The following GALNT17 variants were observed in gnomAD, a reference collection of about 807,000 sequenced individuals.
The protein encoded by GALNT17 is UDP-GalNAc:polypeptide N-acetylgalactosaminyltransferase-like 3.
GALNT17 carries 29 observed loss-of-function variants against 63.7 expected under a neutral mutation model. The observed-to-expected ratio is 0.46, with a 90% confidence interval of 0.34 to 0.62. GALNT17 has a LOEUF of 0.62. GALNT17 is among the 20% of genes least tolerant of loss of function. GALNT17 has a pLI of 0.01. For missense variants in GALNT17, 603 were observed against 799.6 expected (o/e 0.75, Z 2.97); for synonymous variants, 305 against 318.3 (o/e 0.96, Z 0.45).
At chr7:71,299,319 C>G (rs766865316) in intron 1 of GALNT17, among the ~76,000 whole-genome samples, 6 of 152,122 alleles carry the variant, frequency 3.9e-5, no homozygotes, top group Admixed American at 3.9e-4. Context: ...TCCTTGCAGA[C>G]GAGAGGATGG....
chr7:71,221,295 G>GT (rs1333734141), intron 1 of GALNT17, among the ~76,000 whole-genome samples: 1 of 151,128 alleles, frequency 6.6e-6, no homozygotes, highest in Non-Finnish European at 1.5e-5. Context: ...ATTTCATGGT[G>GT]TATGTGTACC....
In GALNT17 at chr7:71,428,046, G is replaced by A. The variant is rs1294514631; in HGVS notation, c.962+6941G>A. 2.6e-5 allele frequency among the ~76,000 whole-genome samples: 4 copies of A among 152,160 alleles called. No homozygotes were observed. The East Asian group carries it at 7.7e-4, about 29-fold the overall frequency. On this transcript the variant is annotated intron_variant, in intron 5 of 10. Transcript: ENST00000333538. ...AAAGGTTGGGGACTGCTGATCTAGAGCATCCCTTTTGGTTTTGTTTATGAT... is the reference window on the plus strand; with the variant it reads ...AAAGGTTGGGGACTGCTGATCTAGAACATCCCTTTTGGTTTTGTTTATGAT...
In GALNT17 at chr7:71,505,702, G is replaced by A. The variant is rs1244351317; in HGVS notation, c.963-65583G>A. On this transcript the variant is annotated intron_variant, in intron 5 of 10. Transcript: ENST00000333538. ...GAAGGCCATGTGCTTCTCCTGCCAT[G>A]TCCAGCTTCAGTGATTCTGCTGTTA... is the stretch of plus-strand genomic sequence containing the variant. Among the ~76,000 whole-genome samples the A allele has an allele frequency of 2.0e-5, 3 of 152,186 alleles. No homozygotes were observed. In the East Asian group the frequency reaches 5.8e-4, roughly 29 times the overall value.
At chr7:71,578,812 G>C (rs940614860) in intron 6 of GALNT17, among the ~76,000 whole-genome samples, 2 of 151,872 alleles carry the variant, frequency 1.3e-5, no homozygotes, top group African/African-American at 4.8e-5. Context: ...CCTGATCCCC[G>C]CCCTAGCCAC....
chr7:71,685,288 G>A (rs1791335063), intron 9 of GALNT17, among the ~76,000 whole-genome samples: 1 of 152,116 alleles, frequency 6.6e-6, no homozygotes, highest in Non-Finnish European at 1.5e-5. Flanking sequence ...AAGGGACAGA[G>A]TATGGAGATC....
chr7:71,175,610 GATGAGA>G (rs1443985478), intron 1 of GALNT17, among the ~76,000 whole-genome samples: 4 of 152,198 alleles, frequency 2.6e-5, no homozygotes, highest in Admixed American at 2.6e-4. Context: ...AAATTGTTGG[GATGAGA>G]GGCGGTGGTG....
chr7:71,298,736 GTGTA>G (rs1331886091), intron 1 of GALNT17, among the ~76,000 whole-genome samples: 1 of 116,942 alleles, frequency 8.6e-6, no homozygotes, highest in South Asian at 2.7e-4. Flanking sequence ...GTGTGTGTGT[GTGTA>G]TGTATGTGTG....
chr7:71,528,070 G>C (rs938533029), intron 5 of GALNT17, among the ~76,000 whole-genome samples: 5 of 152,172 alleles, frequency 3.3e-5, no homozygotes, highest in Non-Finnish European at 7.3e-5. Flanking sequence ...CCAGGACAGG[G>C]AGCTTGTACT....
At chr7:71,148,574 C>T (rs1351593783) in intron 1 of GALNT17, among the ~76,000 whole-genome samples, 1 of 152,068 alleles carries the variant, frequency 6.6e-6, no homozygotes, top group Non-Finnish European at 1.5e-5. Context: ...CCTCTCTACC[C>T]CTAATACATT....
intron 5 of GALNT17, among the ~76,000 whole-genome samples, chr7:71,552,894 C>T (rs976161999): frequency 6.6e-6 from 1 of 152,152 alleles, no homozygotes; most frequent in African/African-American, 2.4e-5. Flanking sequence ...CTCTCAGTCC[C>T]GCTTTATGGA....
Position 71,383,210 on chromosome 7 carries a change from T to C in GALNT17, c.423-5025T>C, listed in dbSNP as rs563417239. ...TTTAAAACTGGATAACATTCCATTT[T>C]ATATATACACAGCCATCCCTTGGTA... is the stretch of plus-strand genomic sequence containing the variant. On this transcript the variant is annotated intron_variant, in intron 2 of 10. Transcript: ENST00000333538. Among the ~76,000 whole-genome samples the C allele has an allele frequency of 9.2e-5, 14 of 152,338 alleles. 1 individual carries two copies. The South Asian group carries it at 2.9e-3, about 32-fold the overall frequency.
chr7:71,252,457 G>A (rs550212082), intron 1 of GALNT17, among the ~76,000 whole-genome samples: 17 of 152,226 alleles, frequency 1.1e-4, no homozygotes, highest in East Asian at 1.9e-4. Flanking sequence ...CATGAGAGGC[G>A]GAGGCTGCAG....
At chr7:71,404,384 A>G (rs1489938616) in intron 3 of GALNT17, among the ~76,000 whole-genome samples, 1 of 152,060 alleles carries the variant, frequency 6.6e-6, no homozygotes, top group East Asian at 1.9e-4. Context: ...TGATCTCACT[A>G]TGGAATCGCC....
intron 3 of GALNT17, among the ~76,000 whole-genome samples, chr7:71,407,624 TGTA>T (rs1296130505): frequency 6.6e-6 from 1 of 152,156 alleles, no homozygotes; most frequent in Non-Finnish European, 1.5e-5. Context: ...GGTGCATCCT[TGTA>T]GTCCCAGCTA....
chr7:71,301,944 AAGT>A (rs1791206773), intron 1 of GALNT17, among the ~76,000 whole-genome samples: 1 of 152,152 alleles, frequency 6.6e-6, no homozygotes, highest in Non-Finnish European at 1.5e-5. Context: ...AAAATAGTGT[AAGT>A]AGGTACAAAA....
chr7:71,698,861 C>T (rs1239462951), intron 9 of GALNT17, among the ~76,000 whole-genome samples: 1 of 152,086 alleles, frequency 6.6e-6, no homozygotes, highest in Non-Finnish European at 1.5e-5. Flanking sequence ...ATTCCATTTT[C>T]AAGAGACACA....
intron 5 of GALNT17, among the ~76,000 whole-genome samples, chr7:71,486,521 G>C (rs1385458474): frequency 6.6e-6 from 1 of 151,690 alleles, no homozygotes; most frequent in Non-Finnish European, 1.5e-5. Flanking sequence ...AGCTCTTGGT[G>C]CTCCACAGTG....
chr7:71,364,874 TCTC>T lies in GALNT17; in HGVS notation c.423-23358_423-23356del, dbSNP rs1388164450. Among the ~76,000 whole-genome samples the T allele has an allele frequency of 2.6e-5, 4 of 152,140 alleles. 1 individual carries two copies. Among genetic ancestry groups the T allele is most frequent in the Non-Finnish European group, 5.9e-5 (4 of 68,038 alleles). On this transcript the variant is annotated intron_variant, in intron 2 of 10. Coordinates refer to ENST00000333538, the MANE Select transcript of GALNT17 (RefSeq NM_022479.3). ...TTCCGCTTCTTTAATCTACTTCCCT[TCTC>T]CTATCTTTCCCCTGCATTCCCAGAT... is the stretch of plus-strand genomic sequence containing the variant.
intron 1 of GALNT17, among the ~76,000 whole-genome samples, chr7:71,213,878 C>T (rs1474294692): frequency 1.3e-5 from 2 of 152,198 alleles, no homozygotes; most frequent in East Asian, 1.9e-4. Flanking sequence ...GGTAACCAGC[C>T]TGTTCCTACC....
Sources: gnomAD v4.1 joint callset for allele counts (sites outside exome capture counted in the v4.1 genomes callset) on GRCh38, gnomAD v4.1.1 for gene constraint, MANE v1.5 for transcripts, NCBI Gene and HGNC (gene_info 2026-07-23, HGNC 2026-07-21) for gene names.